Variants in CDH13 observed in about 807,000 individuals in gnomAD.
The protein encoded by CDH13 is cadherin 13, also known as cadherin-13.
Under a neutral mutation model 63.8 loss-of-function variants are expected in CDH13, and 24 were observed. The ratio of observed to expected loss-of-function variants is 0.38; its 90% CI spans 0.27 to 0.53. The LOEUF is 0.53. Among genes scored for constraint, CDH13 ranks in the 20% least tolerant of loss-of-function variants. The pLI, the probability that CDH13 is intolerant of heterozygous loss-of-function variation, is 0.85. For missense variants in CDH13, 1,049 were observed against 903.1 expected (o/e 1.16, Z -2.07); for synonymous variants, 503 against 355.3 (o/e 1.42, Z -4.67).
At chr16:82,676,343 T>A (rs1201838876) in intron 1 of CDH13, among the ~76,000 whole-genome samples, 1 of 152,186 alleles carries the variant, frequency 6.6e-6, no homozygotes, top group Non-Finnish European at 1.5e-5. Context: ...CCTCATTCTG[T>A]GGCACCATTC....
chr16:83,542,508 G>A (rs1366677520), intron 7 of CDH13, among the ~76,000 whole-genome samples: 3 of 152,304 alleles, frequency 2.0e-5, no homozygotes, highest in South Asian at 2.1e-4. Context: ...CGTTTGCAAC[G>A]GCTGTGGTAA....
chr16:83,732,840 C>T (rs192651976), intron 10 of CDH13, among the ~76,000 whole-genome samples: 65 of 152,176 alleles, frequency 4.3e-4, no homozygotes, highest in African/African-American at 1.4e-3. Flanking sequence ...GATATCAACT[C>T]CTTGGAATTC....
intron 7 of CDH13, among the ~76,000 whole-genome samples, chr16:83,569,033 A>G (rs989190901): frequency 4.6e-5 from 7 of 152,036 alleles, no homozygotes; most frequent in African/African-American, 7.2e-5. Flanking sequence ...CACATTCCTT[A>G]TAATCTAGTC....
At chr16:83,322,611 G>A (rs1292511095) in intron 5 of CDH13, among the ~76,000 whole-genome samples, 1 of 152,084 alleles carries the variant, frequency 6.6e-6, no homozygotes, top group Non-Finnish European at 1.5e-5. Context: ...GTGTCCCACG[G>A]GCCATCATAG....
chr16:82,738,778 A>G (rs898770570), intron 1 of CDH13, among the ~76,000 whole-genome samples: 5 of 152,304 alleles, frequency 3.3e-5, no homozygotes, highest in African/African-American at 1.2e-4. Flanking sequence ...ATGCCCTAAA[A>G]TTTCATATAA....
chr16:83,530,518 A>G (rs985466057), intron 7 of CDH13, among the ~76,000 whole-genome samples: 3 of 152,182 alleles, frequency 2.0e-5, no homozygotes, highest in African/African-American at 7.2e-5. Context: ...GGCCTGTGTT[A>G]AGTTGTTGAT....
chr16:83,519,235 A>G (rs2074772642), intron 7 of CDH13, among the ~76,000 whole-genome samples: 1 of 152,168 alleles, frequency 6.6e-6, no homozygotes, highest in African/African-American at 2.4e-5. Flanking sequence ...TCTCAGCCTA[A>G]CAAGATGACT....
chr16:82,693,110 G>C (rs1915794911), intron 1 of CDH13, among the ~76,000 whole-genome samples: 1 of 152,144 alleles, frequency 6.6e-6, no homozygotes, highest in Non-Finnish European at 1.5e-5. Context: ...AGGAGTCTCA[G>C]TATAATAGCC....
At chr16:83,762,642 G>A (rs577718596) in intron 11 of CDH13, among the ~76,000 whole-genome samples, 48 of 152,282 alleles carry the variant, frequency 3.2e-4, no homozygotes, top group Admixed American at 2.8e-3. Flanking sequence ...CACTGGGGAC[G>A]GCCACAGGCA....
chr16:83,703,917 G>C (rs1906623783), intron 10 of CDH13, among the ~76,000 whole-genome samples: 1 of 152,038 alleles, frequency 6.6e-6, no homozygotes, highest in Non-Finnish European at 1.5e-5. Context: ...CCATTCAACT[G>C]CACAAAATAT....
chr16:83,096,825 A>T (rs1022140406), intron 3 of CDH13, among the ~76,000 whole-genome samples: 14 of 152,208 alleles, frequency 9.2e-5, no homozygotes, highest in Admixed American at 2.0e-4. Context: ...CTTAAAAATG[A>T]TGATTTTTTT....
intron 5 of CDH13, among the ~76,000 whole-genome samples, chr16:83,255,904 G>T (rs978146855): frequency 6.6e-6 from 1 of 152,098 alleles, no homozygotes; most frequent in Non-Finnish European, 1.5e-5. Context: ...CACTAAGCTT[G>T]GCACATAGTT....
At chr16:83,519,729 C>T (rs901248105) in intron 7 of CDH13, among the ~76,000 whole-genome samples, 7 of 152,050 alleles carry the variant, frequency 4.6e-5, no homozygotes, top group South Asian at 2.1e-4. Flanking sequence ...GGCAATGGTG[C>T]GGGGAGAGGA....
chr16:83,334,361 TCA>T (rs1208427532), intron 5 of CDH13, among the ~76,000 whole-genome samples: 74 of 85,618 alleles, frequency 8.6e-4, no homozygotes, highest in African/African-American at 3.0e-3. Flanking sequence ...TCTCTCTCTC[TCA>T]CACACACACA....
At chr16:82,796,922 G>C (rs1347130729) in intron 1 of CDH13, among the ~76,000 whole-genome samples, 1 of 152,178 alleles carries the variant, frequency 6.6e-6, no homozygotes, top group Non-Finnish European at 1.5e-5. Flanking sequence ...ACTCTGCTCA[G>C]ATTACATGGG....
At chr16:83,298,949 C>G (rs1227932308) in intron 5 of CDH13, among the ~76,000 whole-genome samples, 1 of 152,070 alleles carries the variant, frequency 6.6e-6, no homozygotes, top group Non-Finnish European at 1.5e-5. Context: ...TTTACTGTTT[C>G]TGAGTGTAAA....
In CDH13 at chr16:83,000,223, A is replaced by ATTTTTTTTTTTTTTT. The variant is rs746904500; in HGVS notation, c.158-31760_158-31746dup. 1.9e-4 allele frequency among the ~76,000 whole-genome samples: 7 copies of ATTTTTTTTTTTTTTT among 37,026 alleles called. 1 individual carries two copies. The highest frequency in any genetic ancestry group is 4.2e-4 in the Non-Finnish European group (7 of 16,800). 24.3% of individuals were successfully genotyped at this position (37,026 alleles called of 152,430 possible). The stretch of plus-strand genomic sequence containing the variant: ...CTAGGAATATCCACAGGTTTAGCTT[A>ATTTTTTTTTTTTTTT]TTTTTTTTTTTTTTTTTTTTTTTTT... On this transcript the variant is annotated intron_variant, in intron 2 of 13. Transcript: ENST00000567109.
intron 6 of CDH13, among the ~76,000 whole-genome samples, chr16:83,471,556 G>A (rs2073453555): frequency 6.6e-6 from 1 of 152,192 alleles, no homozygotes; most frequent in Admixed American, 6.5e-5. Flanking sequence ...TTACAGGCGT[G>A]AGCCACCTCG....
chr16:83,338,197 A>G (rs1034519338), intron 5 of CDH13, among the ~76,000 whole-genome samples: 1 of 151,512 alleles, frequency 6.6e-6, no homozygotes, highest in African/African-American at 2.4e-5. Context: ...AAAAAAAAAA[A>G]AAAAAACAAG....
Sources: allele counts gnomAD v4.1 joint callset (sites outside exome capture counted in the v4.1 genomes callset), GRCh38; gene constraint gnomAD v4.1.1; transcripts MANE v1.5; gene names NCBI Gene and HGNC (gene_info 2026-07-23, HGNC 2026-07-21).